PRKN: variants seen among roughly 807,000 people sequenced by gnomAD.
The protein encoded by PRKN is E3 ubiquitin-protein ligase parkin.
PRKN carries 56 observed loss-of-function variants against 59.5 expected under a neutral mutation model. The ratio of observed to expected loss-of-function variants is 0.94; its 90% CI spans 0.76 to 1.18. The LOEUF (loss-of-function observed/expected upper bound fraction) is 1.18. Ranked by LOEUF, PRKN falls within the 50% of genes most tolerant of loss-of-function variation. The pLI is 0.00. For synonymous variants in PRKN, 250 were observed against 222.1 expected, an observed-to-expected ratio of 1.13 and a Z score of -1.12; for missense variants, 657 against 596.4, an observed-to-expected ratio of 1.10 and a Z score of -1.06.
At chr6:161,559,375 A>G (rs530367572) in intron 8 of PRKN, among the ~76,000 whole-genome samples, 1 of 152,338 alleles carries the variant, frequency 6.6e-6, no homozygotes, top group East Asian at 1.9e-4. Flanking sequence ...CTATGGAAAC[A>G]GGGTGGTGAA....
intron 7 of PRKN, among the ~76,000 whole-genome samples, chr6:161,671,863 C>T (rs377466022): frequency 2.0e-5 from 3 of 152,104 alleles, no homozygotes; most frequent in Non-Finnish European, 2.9e-5. Context: ...TTATCATTTT[C>T]GAGGGTTTTA....
intron 6 of PRKN, among the ~76,000 whole-genome samples, chr6:161,875,200 TACA>T (rs1794688847): frequency 6.9e-6 from 1 of 145,802 alleles, no homozygotes; most frequent in African/African-American, 2.6e-5. Context: ...TATATATGTA[TACA>T]TTTTTTTCTG....
chr6:162,586,535 T>G lies in PRKN; in HGVS notation c.7+141127A>C, dbSNP rs1030834924. Among the ~76,000 whole-genome samples the G allele has an allele frequency of 6.7e-4, 102 of 152,138 alleles. 2 individuals carry two copies. The highest frequency in any genetic ancestry group is 1.2e-4 in the Non-Finnish European group (8 of 68,030). ...TTGGTGAGTAAGTGTCCTGGGAATC[T>G]CAGAAGAGAAAGAGGTCCTGTGCCA... On this transcript the variant is annotated intron_variant, in intron 1 of 11. Transcript: ENST00000366898.
intron 6 of PRKN, among the ~76,000 whole-genome samples, chr6:161,833,925 T>C (rs1792627755): frequency 6.6e-6 from 1 of 152,172 alleles, no homozygotes; most frequent in Admixed American, 6.5e-5. Flanking sequence ...TTAAAGGAAC[T>C]CATGATTCGT....
rs1055931290 is a variant in PRKN at position 161,467,605 on chromosome 6, T to C, written c.1084-80728A>G. The stretch of plus-strand genomic sequence containing the variant: ...AGAGGTGCTGAGCCTAAAAGGAGGA[T>C]ACAGGGAAGGCTTCCTGGAGATGAT... On this transcript the variant is annotated intron_variant, in intron 9 of 11. Coordinates refer to ENST00000366898, the MANE Select transcript of PRKN (RefSeq NM_004562.3). This position sits in a 1 kb window ranked among gnomAD's most constrained non-coding sequence, Gnocchi z 4.3. Among the ~76,000 whole-genome samples, 1 of 152,152 alleles carries C rather than the reference T, an allele frequency of 6.6e-6. No homozygotes were observed. The highest frequency in any genetic ancestry group is 2.4e-5 in the African/African-American group (1 of 41,420).
At chr6:162,106,236 G>A (rs569940267) in intron 4 of PRKN, among the ~76,000 whole-genome samples, 2 of 152,254 alleles carry the variant, frequency 1.3e-5, no homozygotes, top group East Asian at 3.9e-4. Flanking sequence ...GGCAAAGAAT[G>A]CCAAATTATT....
intron 9 of PRKN, among the ~76,000 whole-genome samples, chr6:161,543,059 G>T (rs576508093): frequency 2.0e-5 from 3 of 151,674 alleles, no homozygotes; most frequent in Admixed American, 6.6e-5. Context: ...TCTTTCCAAG[G>T]TCCACCTATT....
intron 7 of PRKN, among the ~76,000 whole-genome samples, chr6:161,703,030 T>TA (rs538755289): frequency 0.073 from 7,632 of 104,696 alleles, 293 homozygotes; most frequent in African/African-American, 0.13. Flanking sequence ...GATTCAACAG[T>TA]AAAAAAAAAA....
intron 2 of PRKN, among the ~76,000 whole-genome samples, chr6:162,383,244 A>G (rs1786594044): frequency 6.6e-6 from 1 of 152,198 alleles, no homozygotes; most frequent in Admixed American, 6.5e-5. Context: ...AGGCATCCCT[A>G]CCTATGGCAG....
At chr6:162,185,958 G>GA (rs1784011719) in intron 4 of PRKN, among the ~76,000 whole-genome samples, 1 of 152,010 alleles carries the variant, frequency 6.6e-6, no homozygotes, top group African/African-American at 2.4e-5. Flanking sequence ...AGCAGAAGGA[G>GA]AAAATCTTTA....
At chr6:162,289,774 C>T (rs1781345129) in intron 2 of PRKN, among the ~76,000 whole-genome samples, 1 of 151,994 alleles carries the variant, frequency 6.6e-6, no homozygotes, top group Admixed American at 6.6e-5. Flanking sequence ...GGACTAGGTA[C>T]CTTACTGGAG....
intron 2 of PRKN, among the ~76,000 whole-genome samples, chr6:162,393,694 T>C (rs1249212906): frequency 6.6e-6 from 1 of 152,188 alleles, no homozygotes; most frequent in African/African-American, 2.4e-5. Flanking sequence ...GTGGTAAGAG[T>C]AAATAATAAA....
chr6:161,522,371 AT>A (rs1360922609), intron 9 of PRKN, among the ~76,000 whole-genome samples: 1 of 152,168 alleles, frequency 6.6e-6, no homozygotes, highest in African/African-American at 2.4e-5. Flanking sequence ...AGAATTTTCC[AT>A]TAAATCAAGA....
At chr6:162,161,322 C>T (rs1049387065) in intron 4 of PRKN, among the ~76,000 whole-genome samples, 1 of 152,162 alleles carries the variant, frequency 6.6e-6, no homozygotes, top group Admixed American at 6.5e-5. Flanking sequence ...CTAGGAAGGC[C>T]ATGTATGTCA....
intron 7 of PRKN, among the ~76,000 whole-genome samples, chr6:161,695,774 C>T (rs766976859): frequency 2.6e-5 from 4 of 152,050 alleles, no homozygotes; most frequent in East Asian, 1.9e-4. Context: ...AAGTTGGAAA[C>T]GGTACAGTCA....
Position 162,469,660 on chromosome 6 carries a change from A to G in PRKN, c.8-26187T>C, listed in dbSNP as rs527532070. 2.5e-3 allele frequency among the ~76,000 whole-genome samples: 381 copies of G among 152,250 alleles called. 3 individuals carry two copies. Among genetic ancestry groups the G allele is most frequent in the Admixed American group, 4.8e-3 (74 of 15,296 alleles). On this transcript the variant is annotated intron_variant, in intron 1 of 11. Transcript: ENST00000366898. Reference sequence around the variant, plus strand: ...AACCAAATATCGTATGTTCTCACTCATAAGTGGGAGCTAAGCCATGAAGAT... The same window carrying G: ...AACCAAATATCGTATGTTCTCACTCGTAAGTGGGAGCTAAGCCATGAAGAT...
At chr6:162,025,262 G>A (rs542622322) in intron 5 of PRKN, among the ~76,000 whole-genome samples, 20 of 151,908 alleles carry the variant, frequency 1.3e-4, no homozygotes, top group South Asian at 4.2e-4. Flanking sequence ...CTCGGCCTCC[G>A]AAAGTGCTGG....
intron 4 of PRKN, among the ~76,000 whole-genome samples, chr6:162,144,150 G>A (rs1027380907): frequency 2.6e-5 from 4 of 152,138 alleles, no homozygotes; most frequent in African/African-American, 9.7e-5. Context: ...CACTACCCCA[G>A]CTTGACCCTG....
chr6:162,388,947 C>G (rs994520939), intron 2 of PRKN, among the ~76,000 whole-genome samples: 1 of 147,080 alleles, frequency 6.8e-6, no homozygotes, highest in Non-Finnish European at 1.5e-5. Context: ...GGCCAAGACC[C>G]CAGACACTTT....
Sources: allele counts gnomAD v4.1 joint callset (sites outside exome capture counted in the v4.1 genomes callset), GRCh38; gene constraint gnomAD v4.1.1; non-coding constraint Gnocchi (gnomAD v3.1); transcripts MANE v1.5; gene names NCBI Gene and HGNC (gene_info 2026-07-23, HGNC 2026-07-21).